Variants in SGCZ observed in about 807,000 individuals in gnomAD.
SGCZ encodes the protein sarcoglycan zeta, also known as zeta-sarcoglycan.
A neutral mutation model predicts 41.3 loss-of-function variants in SGCZ; 40 were observed. That is an observed-to-expected ratio of 0.97 (90% CI 0.75 to 1.26). The LOEUF is 1.26. Among genes scored for constraint, SGCZ ranks in the 50% most tolerant of loss-of-function variants. The probability of loss-of-function intolerance (pLI) is 0.00; values close to 1 mark genes in which losing one functional copy is unlikely to be tolerated. For synonymous variants in SGCZ, 206 were observed against 137.5 expected (o/e 1.50, Z -3.49); for missense variants, 552 against 369.8 (o/e 1.49, Z -4.04).
intron 6 of SGCZ, among the ~76,000 whole-genome samples, chr8:14,103,513 T>C (rs547888921): frequency 1.3e-5 from 2 of 152,282 alleles, no homozygotes; most frequent in Non-Finnish European, 2.9e-5. Context: ...CAGAGTTGTT[T>C]TGCAGAAAGA....
At chr8:14,295,386 T>C (rs1279409766) in intron 3 of SGCZ, among the ~76,000 whole-genome samples, 2 of 152,176 alleles carry the variant, frequency 1.3e-5, no homozygotes, top group Admixed American at 1.3e-4. Flanking sequence ...GACACGGTGT[T>C]GTCACTTGCC....
intron 2 of SGCZ, among the ~76,000 whole-genome samples, chr8:14,473,544 T>C (rs1801270136): frequency 1.3e-5 from 2 of 152,138 alleles, no homozygotes. Context: ...TGACCCAGAA[T>C]TGTCAACTAC....
chr8:14,108,449 A>C (rs1463533995), intron 5 of SGCZ, among the ~76,000 whole-genome samples: 1 of 152,204 alleles, frequency 6.6e-6, no homozygotes, highest in African/African-American at 2.4e-5. Context: ...ATGGCTGGGG[A>C]GCCCTCAGAA....
intron 1 of SGCZ, among the ~76,000 whole-genome samples, chr8:15,047,205 A>G (rs558646574): frequency 4.6e-5 from 7 of 152,198 alleles, no homozygotes; most frequent in South Asian, 2.1e-4. Context: ...TACTATGTAT[A>G]TGATTGTTCA....
chr8:14,723,338 G>C (rs1211386452), intron 1 of SGCZ, among the ~76,000 whole-genome samples: 1 of 152,188 alleles, frequency 6.6e-6, no homozygotes, highest in Non-Finnish European at 1.5e-5. Context: ...AAAAGCTCTT[G>C]GGGAAGAGGT....
Position 14,706,085 on chromosome 8 carries a change from T to G in SGCZ, c.40-151159A>C, listed in dbSNP as rs376423589. On this transcript the variant is annotated intron_variant, in intron 1 of 7. Transcript: ENST00000382080. ...CATGACTCCTTGCTGAAGAACCCTA[T>G]TTTTCCTCCAAAATCTAGAATTTTC... Among the ~76,000 whole-genome samples, 253 of 152,088 alleles carry G rather than the reference T, an allele frequency of 1.7e-3. 3 individuals carry two copies. Among genetic ancestry groups the G allele is most frequent in the African/African-American group, 5.9e-3 (246 of 41,552 alleles).
chr8:14,607,412 AT>A (rs1229993757), intron 1 of SGCZ, among the ~76,000 whole-genome samples: 16 of 152,178 alleles, frequency 1.1e-4, no homozygotes, highest in African/African-American at 3.6e-4. Flanking sequence ...TTCATGCCCT[AT>A]ACTATTAATC....
intron 1 of SGCZ, among the ~76,000 whole-genome samples, chr8:14,623,531 A>G (rs754509259): frequency 5.5e-4 from 84 of 152,134 alleles, no homozygotes; most frequent in Non-Finnish European, 9.6e-4. Flanking sequence ...AAATTACTTC[A>G]TGTGTTTGTA....
At chr8:14,288,559 C>G (rs1286343993) in intron 3 of SGCZ, among the ~76,000 whole-genome samples, 1 of 152,102 alleles carries the variant, frequency 6.6e-6, no homozygotes. Flanking sequence ...CAGACTTTCA[C>G]TTAGCATGAT....
chr8:14,608,264 T>TTC (rs760417419), intron 1 of SGCZ, among the ~76,000 whole-genome samples: 47 of 151,984 alleles, frequency 3.1e-4, no homozygotes, highest in Non-Finnish European at 4.7e-4. Context: ...TTGAGGCTTT[T>TTC]TTTTTTGTAA....
chr8:14,361,219 AGT>A (rs1275888609), intron 2 of SGCZ, among the ~76,000 whole-genome samples: 1 of 152,144 alleles, frequency 6.6e-6, no homozygotes, highest in Non-Finnish European at 1.5e-5. Context: ...AGAAAATTTG[AGT>A]GTGGGCCAGC....
intron 1 of SGCZ, among the ~76,000 whole-genome samples, chr8:14,847,358 C>A (rs1281562850): frequency 6.6e-6 from 1 of 151,756 alleles, no homozygotes; most frequent in Non-Finnish European, 1.5e-5. Flanking sequence ...AACATAGACA[C>A]CAAAAACTCT....
chr8:14,284,840 T>C (rs564162189), intron 3 of SGCZ, among the ~76,000 whole-genome samples: 4 of 152,186 alleles, frequency 2.6e-5, no homozygotes, highest in Non-Finnish European at 5.9e-5. Flanking sequence ...TTAAAGATCA[T>C]GTCTGTTTAA....
intron 2 of SGCZ, among the ~76,000 whole-genome samples, chr8:14,527,316 T>C (rs1202946785): frequency 6.6e-6 from 1 of 152,176 alleles, no homozygotes; most frequent in Non-Finnish European, 1.5e-5. Flanking sequence ...GTTTGTTTGT[T>C]TGATAGGTGG....
intron 1 of SGCZ, among the ~76,000 whole-genome samples, chr8:14,776,101 G>A (rs1414016824): frequency 6.6e-6 from 1 of 152,172 alleles, no homozygotes; most frequent in Non-Finnish European, 1.5e-5. Flanking sequence ...AGAAAAAAGT[G>A]AACTCTTAAT....
chr8:14,976,948 A>G lies in SGCZ; in HGVS notation c.39+260637T>C, dbSNP rs28593725. On this transcript the variant is annotated intron_variant, in intron 1 of 7. Transcript: ENST00000382080. Reference sequence around the variant, plus strand: ...GTACATTGTTGAATTTAAATTTCAAATGATTAAAGTTTTCTGCAGTTTCAC... The same window carrying G: ...GTACATTGTTGAATTTAAATTTCAAGTGATTAAAGTTTTCTGCAGTTTCAC... Among the ~76,000 whole-genome samples the G allele has an allele frequency of 2.8e-3, 433 of 152,358 alleles. 3 individuals are homozygous for G. Among genetic ancestry groups the G allele is most frequent in the African/African-American group, 1.0e-2 (415 of 41,588 alleles).
At chr8:14,292,631 T>C (rs914272128) in intron 3 of SGCZ, among the ~76,000 whole-genome samples, 2 of 152,052 alleles carry the variant, frequency 1.3e-5, no homozygotes, top group African/African-American at 4.8e-5. Context: ...CCTGGTAATG[T>C]AGCGCATGTT....
At chr8:15,171,845 G>T (rs950435458) in intron 1 of SGCZ, among the ~76,000 whole-genome samples, 12 of 152,110 alleles carry the variant, frequency 7.9e-5, no homozygotes, top group Non-Finnish European at 1.2e-4. Flanking sequence ...AAAATCATGA[G>T]CAACTGCATA....
chr8:15,045,239 A>T (rs1252814755), intron 1 of SGCZ, among the ~76,000 whole-genome samples: 4 of 152,116 alleles, frequency 2.6e-5, no homozygotes, highest in African/African-American at 9.7e-5. Context: ...AACAAGAGAC[A>T]TGATAAAATT....
Sources: allele counts gnomAD v4.1 joint callset (sites outside exome capture counted in the v4.1 genomes callset), GRCh38; gene constraint gnomAD v4.1.1; transcripts MANE v1.5; gene names NCBI Gene and HGNC (gene_info 2026-07-23, HGNC 2026-07-21).